The following SYN3 variants were observed in gnomAD, a reference collection of about 807,000 sequenced individuals.
SYN3 encodes the protein synapsin-3.
A neutral mutation model predicts 65.8 loss-of-function variants in SYN3; 35 were observed. The ratio of observed to expected loss-of-function variants is 0.53; its 90% CI spans 0.41 to 0.70. The LOEUF (loss-of-function observed/expected upper bound fraction) is 0.70. SYN3 is among the 30% of genes least tolerant of loss of function. The pLI, the probability that SYN3 is intolerant of heterozygous loss-of-function variation, is 0.00. For synonymous variants in SYN3, 270 were observed against 292.9 expected (o/e 0.92, Z 0.80); for missense variants, 680 against 749.0 (o/e 0.91, Z 1.08).
At chr22:33,024,572 A>C (rs761758831) in intron 1 of SYN3, among the ~76,000 whole-genome samples, 2 of 152,160 alleles carry the variant, frequency 1.3e-5, no homozygotes, top group East Asian at 3.9e-4. Context: ...CTCACCCTTA[A>C]ATTTCTTTTT....
intron 6 of SYN3, among the ~76,000 whole-genome samples, chr22:32,623,850 G>A (rs1037985908): frequency 1.1e-4 from 16 of 152,178 alleles, no homozygotes; most frequent in Non-Finnish European, 2.9e-5. Context: ...ACGCTTCTCT[G>A]TGAGTGCCGA....
chr22:32,914,756 T>C (rs978319022), intron 4 of SYN3, among the ~76,000 whole-genome samples: 21 of 152,124 alleles, frequency 1.4e-4, no homozygotes, highest in African/African-American at 5.1e-4. Context: ...TGGAGTTGTT[T>C]TGAGGATTAA....
chr22:33,050,910 G>A (rs376686243), intron 1 of SYN3, among the ~76,000 whole-genome samples: 100 of 152,276 alleles, frequency 6.6e-4, no homozygotes, highest in African/African-American at 2.2e-3. Context: ...ATTAAAACCC[G>A]TATAAAGCAC....
At chr22:32,704,289 C>T (rs2060850360) in intron 6 of SYN3, among the ~76,000 whole-genome samples, 1 of 152,138 alleles carries the variant, frequency 6.6e-6, no homozygotes, top group Non-Finnish European at 1.5e-5. Context: ...CATCCTTTAG[C>T]TCCCACTTAT....
At chr22:32,933,288 A>G (rs574839365) in intron 3 of SYN3, among the ~76,000 whole-genome samples, 3 of 152,310 alleles carry the variant, frequency 2.0e-5, no homozygotes, top group Non-Finnish European at 4.4e-5. Context: ...CATTTTACAC[A>G]TATGAATTCA....
intron 2 of SYN3, among the ~76,000 whole-genome samples, chr22:32,984,566 G>A (rs563548250): frequency 6.6e-6 from 1 of 152,150 alleles, no homozygotes; most frequent in South Asian, 2.1e-4. Flanking sequence ...CTTTGAGGAG[G>A]GAATTCTAGA....
intron 4 of SYN3, among the ~76,000 whole-genome samples, chr22:32,893,925 G>C (rs1444748995): frequency 6.6e-6 from 1 of 152,092 alleles, no homozygotes; most frequent in Admixed American, 6.5e-5. Flanking sequence ...CCACCAAGCT[G>C]TGAGCTCATC....
chr22:32,875,285 G>A (rs1034974200), intron 4 of SYN3, among the ~76,000 whole-genome samples: 1 of 152,182 alleles, frequency 6.6e-6, no homozygotes, highest in African/African-American at 2.4e-5. Flanking sequence ...GAATCCGAGG[G>A]CCCTCTTTGT....
At chr22:32,934,689 A>C (rs537038232) in intron 3 of SYN3, among the ~76,000 whole-genome samples, 1 of 152,314 alleles carries the variant, frequency 6.6e-6, no homozygotes, top group South Asian at 2.1e-4. Flanking sequence ...ATTGAATTGT[A>C]TTCCTCAAAA....
rs1601799571 is a variant in SYN3 at position 32,964,245 on chromosome 22, A to G, written c.369+16400T>C. 2.2e-5 allele frequency among the ~76,000 whole-genome samples: 3 copies of G among 136,780 alleles called. No individual in the cohort carries two copies. In the East Asian group the frequency reaches 6.8e-4, roughly 31 times the overall value. The allele number at this position is 136,780 out of a possible 152,430, so 89.7% of individuals were successfully genotyped here. A position where few individuals can be genotyped will look rare whatever the true frequency, so the allele number is the denominator to read the frequency against. On this transcript the variant is annotated intron_variant, in intron 3 of 13. Coordinates refer to ENST00000358763, the MANE Select transcript of SYN3 (RefSeq NM_003490.4). ...AATTGAACAATGAGAACACATGGAC[A>G]CAGGAAGAGGAACATCACACACCGG...
chr22:32,729,844 C>T (rs534579067), intron 6 of SYN3, among the ~76,000 whole-genome samples: 32 of 152,302 alleles, frequency 2.1e-4, no homozygotes, highest in Middle Eastern at 3.4e-3. Context: ...GATGGTACCA[C>T]TTTGACCCTC....
intron 1 of SYN3, among the ~76,000 whole-genome samples, chr22:33,013,957 T>C (rs2053409587): frequency 6.6e-6 from 1 of 151,440 alleles, no homozygotes; most frequent in South Asian, 2.1e-4. Context: ...CAGGCTGGAG[T>C]GCAGTGGTGT....
chr22:32,689,291 G>T (rs1305597155), intron 6 of SYN3, among the ~76,000 whole-genome samples: 12 of 152,158 alleles, frequency 7.9e-5, no homozygotes, highest in African/African-American at 2.7e-4. Flanking sequence ...GGACATTGGA[G>T]CCAGACAGAC....
At chr22:32,866,404 G>C (rs1056815716) in intron 5 of SYN3, among the ~76,000 whole-genome samples, 6 of 152,182 alleles carry the variant, frequency 3.9e-5, no homozygotes, top group Non-Finnish European at 8.8e-5. Flanking sequence ...ATGTGTGTGT[G>C]GGGTCCCTCA....
intron 6 of SYN3, among the ~76,000 whole-genome samples, chr22:32,855,732 CT>C: frequency 6.6e-6 from 1 of 152,294 alleles, no homozygotes; most frequent in East Asian, 1.9e-4. Context: ...CCTCCCTACC[CT>C]CTACGAACTG....
At chr22:32,678,550 C>G (rs1230965382) in intron 6 of SYN3, among the ~76,000 whole-genome samples, 2 of 151,720 alleles carry the variant, frequency 1.3e-5, no homozygotes, top group Non-Finnish European at 2.9e-5. Context: ...CCTCCTCCTC[C>G]TTCATCCTCC....
intron 7 of SYN3, among the ~76,000 whole-genome samples, chr22:32,579,952 A>G (rs190989333): frequency 4.6e-5 from 7 of 152,362 alleles, no homozygotes; most frequent in African/African-American, 7.2e-5. Context: ...GTGAAATTGA[A>G]TGGAGGGGAA....
intron 6 of SYN3, among the ~76,000 whole-genome samples, chr22:32,823,769 A>G (rs1018019179): frequency 1.3e-5 from 2 of 152,060 alleles, no homozygotes; most frequent in African/African-American, 4.8e-5. Context: ...CGTGGGGTGC[A>G]GTCAGAATGA....
rs199604970 is a variant in SYN3 at position 32,656,832 on chromosome 22, A to G, written c.712-60096T>C. 2.1e-3 allele frequency among the ~76,000 whole-genome samples: 316 copies of G among 152,284 alleles called. 5 individuals carry two copies. The East Asian group carries it at 0.037, about 18-fold the overall frequency. On this transcript the variant is annotated intron_variant, in intron 6 of 13. Transcript: ENST00000358763. The stretch of plus-strand genomic sequence containing the variant: ...ATGTAGGGACGTCCATACCAGAGAC[A>G]ACAAAGAAGAAAGCTTTTCACTGCA...
Sources: allele counts gnomAD v4.1 joint callset (sites outside exome capture counted in the v4.1 genomes callset), GRCh38; gene constraint gnomAD v4.1.1; transcripts MANE v1.5; gene names NCBI Gene and HGNC (gene_info 2026-07-23, HGNC 2026-07-21).